SLC4A5: variants seen among roughly 807,000 people sequenced by gnomAD.
The protein encoded by SLC4A5 is solute carrier family 4 member 5, also known as electrogenic sodium bicarbonate cotransporter 4.
In SLC4A5, 96 loss-of-function variants were observed where a neutral mutation model predicts 120.4. That is an observed-to-expected ratio of 0.80 (90% CI 0.68 to 0.94). The LOEUF is 0.94. Among genes scored for constraint, SLC4A5 ranks in the 40% least tolerant of loss-of-function variants. The pLI is 0.00. For missense variants in SLC4A5, 1,259 were observed against 1,459.5 expected, an observed-to-expected ratio of 0.86 and a Z score of 2.24; for synonymous variants, 550 against 571.1, an observed-to-expected ratio of 0.96 and a Z score of 0.53.
chr2:74,304,071 G>C (rs1045408238), intron 7 of SLC4A5, among the ~76,000 whole-genome samples: 6 of 151,960 alleles, frequency 3.9e-5, no homozygotes, highest in African/African-American at 1.2e-4. Context: ...GGATGGTCTC[G>C]ATCTCCTGAC....
chr2:74,274,143 C>A (rs1003842552), intron 8 of SLC4A5, among the ~76,000 whole-genome samples: 1 of 152,182 alleles, frequency 6.6e-6, no homozygotes, highest in East Asian at 1.9e-4. Context: ...TGTGACTATT[C>A]TCATTGTACA....
intron 30 of SLC4A5, among the ~76,000 whole-genome samples, chr2:74,220,928 C>T (rs541185542): frequency 4.0e-5 from 6 of 149,638 alleles, no homozygotes; most frequent in African/African-American, 1.2e-4. Flanking sequence ...GCAAGCTCTG[C>T]CTCCTGGGTT....
At chr2:74,292,328 C>T (rs569750952) in intron 7 of SLC4A5, among the ~76,000 whole-genome samples, 179 of 152,304 alleles carry the variant, frequency 1.2e-3, no homozygotes, top group African/African-American at 4.1e-3. Flanking sequence ...AGACTCCATG[C>T]TCCTCCCATG....
At position 74,232,460 on chromosome 2, in the gene SLC4A5, C is replaced by T. The variant is rs779411454; in HGVS notation, c.2774+9G>A. 5.6e-6 allele frequency: 9 copies of T among 1,613,324 alleles called. No homozygotes were observed. The highest frequency in any genetic ancestry group is 6.8e-6 in the Non-Finnish European group (8 of 1,179,670). On this transcript the variant is annotated intron_variant, in intron 24 of 30. Transcript: ENST00000394019. ...CATTGGGTGATCCCTAGGCCCTGACCCCTCCTACCTGACTCCCAGAAACTG... is the reference window on the plus strand; with the variant it reads ...CATTGGGTGATCCCTAGGCCCTGACTCCTCCTACCTGACTCCCAGAAACTG...
intron 5 of SLC4A5, among the ~76,000 whole-genome samples, chr2:74,327,493 C>G (rs1435897411): frequency 2.0e-5 from 3 of 152,158 alleles, no homozygotes; most frequent in Non-Finnish European, 4.4e-5. Context: ...CCTCGGGGCC[C>G]TGCAGACTGA....
At chr2:74,293,969 A>G (rs1672253755) in intron 7 of SLC4A5, among the ~76,000 whole-genome samples, 1 of 152,198 alleles carries the variant, frequency 6.6e-6, no homozygotes, top group South Asian at 2.1e-4. Flanking sequence ...GGGAGTAAAA[A>G]AAGGCAGGGC....
At position 74,265,190 on chromosome 2, in the gene SLC4A5, A is replaced by AG; in HGVS notation, c.475dup (p.Leu159ProfsTer31). On this transcript the variant is annotated frameshift_variant, in exon 9 of 31. Transcript: ENST00000394019. LOFTEE classifies it high-confidence loss of function. ...GGTACGGAGCTCGAAGAGGCTGTGC[A>AG]GGGATAGTGTGGACACGTGGGGCTT... is the stretch of plus-strand genomic sequence containing the variant. 6.2e-7 allele frequency: 1 copy of AG among 1,614,244 alleles called. No individual in the cohort carries two copies. Among genetic ancestry groups the AG allele is most frequent in the Non-Finnish European group, 8.5e-7 (1 of 1,180,038 alleles).
At chr2:74,319,321 G>A (rs969644723) in intron 5 of SLC4A5, 1 of 152,060 alleles carries the variant, frequency 6.6e-6, no homozygotes, top group African/African-American at 2.4e-5. Flanking sequence ...TGAAATATAT[G>A]CATGTAAGAA....
At chr2:74,331,677 C>A (rs1197024975) in intron 4 of SLC4A5, among the ~76,000 whole-genome samples, 1 of 151,882 alleles carries the variant, frequency 6.6e-6, no homozygotes, top group Admixed American at 6.6e-5. Context: ...TATTAAATGG[C>A]ATTTGTCAGG....
At chr2:74,283,904 C>G (rs911264996) in intron 8 of SLC4A5, among the ~76,000 whole-genome samples, 12 of 149,728 alleles carry the variant, frequency 8.0e-5, no homozygotes, top group East Asian at 2.0e-4. Context: ...ATGGCACAAT[C>G]ATGGCTCACT....
chr2:74,246,062 G>A (rs1670601366), intron 19 of SLC4A5, among the ~76,000 whole-genome samples: 2 of 152,220 alleles, frequency 1.3e-5, no homozygotes, highest in South Asian at 4.1e-4. Context: ...CTGCTCTGCA[G>A]CACCCTGGGC....
chr2:74,337,960 G>A (rs1673535813), intron 3 of SLC4A5, among the ~76,000 whole-genome samples: 1 of 152,184 alleles, frequency 6.6e-6, no homozygotes, highest in South Asian at 2.1e-4. Context: ...TTTCCAGGCA[G>A]GTGTGGCTGG....
At chr2:74,234,437 A>G (rs571034380) in intron 22 of SLC4A5, among the ~76,000 whole-genome samples, 8 of 152,222 alleles carry the variant, frequency 5.3e-5, no homozygotes, top group South Asian at 2.1e-4. Flanking sequence ...TCGGCCTCCC[A>G]AAGTTCTGGG....
At chr2:74,292,764 T>G (rs561189820) in intron 7 of SLC4A5, among the ~76,000 whole-genome samples, 90 of 152,172 alleles carry the variant, frequency 5.9e-4, no homozygotes, top group South Asian at 5.8e-3. Context: ...TGGGAGCCAT[T>G]ATGGCCATCT....
At chr2:74,240,925 G>A (rs1670420803) in intron 20 of SLC4A5, among the ~76,000 whole-genome samples, 1 of 152,190 alleles carries the variant, frequency 6.6e-6, no homozygotes, top group South Asian at 2.1e-4. Context: ...CCTACCAGGT[G>A]CTACCTTCAT....
At chr2:74,322,649 A>G (rs1470159439) in intron 5 of SLC4A5, among the ~76,000 whole-genome samples, 2 of 152,176 alleles carry the variant, frequency 1.3e-5, no homozygotes, top group Non-Finnish European at 2.9e-5. Flanking sequence ...TATTGTACAC[A>G]TTTGAGGTAT....
chr2:74,233,637 TC>T, intron 22 of SLC4A5, 74 bp from the exon 23 acceptor site: 1 of 1,469,486 alleles, frequency 6.8e-7, no homozygotes. Context: ...TGGCCTGCTG[TC>T]CCACCTCCTC....
rs1672933934 is a variant in SLC4A5, at chr2:74,315,402, T to C, written c.-2-377A>G. Among the ~76,000 whole-genome samples, 3 of 142,170 alleles carry C rather than the reference T, an allele frequency of 2.1e-5. No individual in the cohort carries two copies. The South Asian group carries it at 6.5e-4, about 31-fold the overall frequency. 93.3% of individuals were successfully genotyped at this position (142,170 alleles called of 152,430 possible). ...TTGCAATGAGCTGAGATTGCACCACTGCATACCAGCCGGGGGAACAGAGCA... is the reference window on the plus strand; with the variant it reads ...TTGCAATGAGCTGAGATTGCACCACCGCATACCAGCCGGGGGAACAGAGCA... On this transcript the variant is annotated intron_variant, in intron 5 of 30. Transcript: ENST00000394019.
At chr2:74,238,279 A>C (rs886868498) in intron 21 of SLC4A5, among the ~76,000 whole-genome samples, 24 of 152,162 alleles carry the variant, frequency 1.6e-4, no homozygotes, top group African/African-American at 5.8e-4. Context: ...CTGTATTCAT[A>C]AATCAGAAAA....
Sources: gnomAD v4.1 joint callset for allele counts (sites outside exome capture counted in the v4.1 genomes callset) on GRCh38, gnomAD v4.1.1 for gene constraint, MANE v1.5 for transcripts, NCBI Gene and HGNC (gene_info 2026-07-23, HGNC 2026-07-21) for gene names.